Variants in CHRNA5 observed in about 807,000 individuals in gnomAD.
CHRNA5 encodes the protein cholinergic receptor nicotinic alpha 5 subunit.
Under a neutral mutation model 41.2 loss-of-function variants are expected in CHRNA5, and 28 were observed. That is an observed-to-expected ratio of 0.68 (90% CI 0.50 to 0.93). CHRNA5 has a LOEUF of 0.93. Among genes scored for constraint, CHRNA5 ranks in the 40% least tolerant of loss-of-function variants. The probability of loss-of-function intolerance (pLI) is 0.00; values close to 1 mark genes in which losing one functional copy is unlikely to be tolerated. For synonymous variants in CHRNA5, 188 were observed against 205.8 expected (o/e 0.91, Z 0.74); for missense variants, 481 against 581.9 (o/e 0.83, Z 1.78).
intron 1 of CHRNA5, among the ~76,000 whole-genome samples, chr15:78,571,578 C>CTTTTT (rs34248937): frequency 8.6e-6 from 1 of 116,618 alleles, no homozygotes; most frequent in Non-Finnish European, 1.8e-5. Flanking sequence ...GATGCTCTGC[C>CTTTTT]TTTTTTTTTT....
chr15:78,586,759 A>G, intron 3 of CHRNA5, 70 bp downstream of exon 3: 1 of 1,057,826 alleles, frequency 9.5e-7, no homozygotes, highest in Non-Finnish European at 1.4e-6. Context: ...TATGTATTGT[A>G]GCAGAAATAC....
chr15:78,569,286 T>C (rs2052777712), intron 1 of CHRNA5, among the ~76,000 whole-genome samples: 1 of 152,196 alleles, frequency 6.6e-6, no homozygotes, highest in African/African-American at 2.4e-5. Context: ...AATTAGGATA[T>C]GAAGTTTTAG....
chr15:78,574,869 A>G (rs2052843041), intron 1 of CHRNA5, among the ~76,000 whole-genome samples: 1 of 150,886 alleles, frequency 6.6e-6, no homozygotes, highest in African/African-American at 2.4e-5. Context: ...GCTACTCGGG[A>G]GGTTGAGGCA....
At chr15:78,583,148 C>T (rs2052928671) in intron 2 of CHRNA5, among the ~76,000 whole-genome samples, 1 of 152,108 alleles carries the variant, frequency 6.6e-6, no homozygotes, top group African/African-American at 2.4e-5. Context: ...CAGAACCTAG[C>T]ACGGTATCTG....
chr15:78,571,578 CTTTTTTTT>C (rs34248937), intron 1 of CHRNA5, among the ~76,000 whole-genome samples: 4 of 116,618 alleles, frequency 3.4e-5, no homozygotes, highest in African/African-American at 9.4e-5. Context: ...GATGCTCTGC[CTTTTTTTT>C]TTTTTTTTTT....
chr15:78,571,922 C>T (rs1014448603), intron 1 of CHRNA5, among the ~76,000 whole-genome samples: 2 of 152,008 alleles, frequency 1.3e-5, no homozygotes, highest in South Asian at 2.1e-4. Flanking sequence ...AAAATGGTTA[C>T]GTTCACTGCT....
At chr15:78,586,515 C>T in intron 2 of CHRNA5, 130 bp from the exon 3 acceptor site, 1 of 577,034 alleles carries the variant, frequency 1.7e-6, no homozygotes, top group Non-Finnish European at 3.1e-6. Context: ...TTCTAGAGAA[C>T]CAGATTGATG....
Position 78,588,332 on chromosome 15 carries a change from T to C in CHRNA5, c.322T>C (p.Leu108=). 1 of 1,579,722 alleles carries C rather than the reference T, an allele frequency of 6.3e-7. No individual in the cohort carries two copies. Among genetic ancestry groups the C allele is most frequent in the South Asian group, 1.2e-5 (1 of 86,362 alleles). ...TTTAAAGGAATGGATAGATGTAAAATTAAGATGGAACCCTGATGACTATGG... is the reference window on the plus strand; with the variant it reads ...TTTAAAGGAATGGATAGATGTAAAACTAAGATGGAACCCTGATGACTATGG... Residue 108 remains leucine, a synonymous_variant, in exon 4 of 6, where the codon TTA becomes CTA. Coordinates refer to ENST00000299565, the Ensembl canonical transcript of CHRNA5. This position sits in a 1 kb window ranked among gnomAD's most constrained non-coding sequence, Gnocchi z 4.1.
At chr15:78,586,714 C>A in intron 3 of CHRNA5, 25 bp downstream of exon 3, 1 of 1,568,972 alleles carries the variant, frequency 6.4e-7, no homozygotes, top group South Asian at 1.2e-5. Flanking sequence ...TTCAAACGGG[C>A]ACCCAATTAG....
intron 2 of CHRNA5, among the ~76,000 whole-genome samples, chr15:78,585,313 G>A (rs1322014828): frequency 6.6e-6 from 1 of 152,164 alleles, no homozygotes; most frequent in East Asian, 1.9e-4. Context: ...CCCATGCAGG[G>A]ACCTCATGGA....
rs1044560905 is a variant in CHRNA5, at chr15:78,592,789, A to AT, written c.1246-295dup. 6.6e-5 allele frequency among the ~76,000 whole-genome samples: 10 copies of AT among 151,120 alleles called. No homozygotes were observed. In the South Asian group the frequency reaches 8.3e-4, roughly 13 times the overall value. ...AGAATAAGTATATATAGTAAGAATAATTTTTTTTAGTTTATTGTAAAATAT... is the reference window on the plus strand; with the variant it reads ...AGAATAAGTATATATAGTAAGAATAATTTTTTTTTAGTTTATTGTAAAATAT... On this transcript the variant is annotated intron_variant, in intron 5 of 5. Coordinates refer to ENST00000299565, the Ensembl canonical transcript of CHRNA5.
chr15:78,578,967 A>G (rs2052884310), intron 1 of CHRNA5, among the ~76,000 whole-genome samples: 1 of 152,166 alleles, frequency 6.6e-6, no homozygotes, highest in African/African-American at 2.4e-5. Flanking sequence ...GCTCTGTAGT[A>G]GCATAAGCAT....
At chr15:78,565,764 C>G in exon 1 of CHRNA5, 1 of 1,215,334 alleles carries the variant, frequency 8.2e-7, no homozygotes, top group Non-Finnish European at 1.0e-6. Flanking sequence ...GCCTGCTGCT[C>G]TTGGTCCAGC....
chr15:78,591,006 C>T (rs1471720078), intron 5 of CHRNA5: 1 of 193,284 alleles, frequency 5.2e-6, no homozygotes, highest in Non-Finnish European at 1.1e-5. Context: ...ATTTTGTCTT[C>T]AGTAACTTTG....
chr15:78,585,791 C>CTTTTTTTTT (rs752254237), intron 2 of CHRNA5, among the ~76,000 whole-genome samples: 20 of 130,602 alleles, frequency 1.5e-4, no homozygotes, highest in Non-Finnish European at 1.9e-4. Flanking sequence ...TCTTTTCTTT[C>CTTTTTTTTT]TTTTTTTTTT....
In CHRNA5 at chr15:78,590,057, T is replaced by C. The variant is rs962825354; in HGVS notation, c.666T>C (p.Ser222=). The change falls in exon 5 of 6, where the codon AGT becomes AGC. Residue 222 remains serine, a synonymous_variant. Transcript: ENST00000299565. ...ATAATGGAGAATGGGAGATTGTGAG[T>C]GCAACAGGGAGCAAAGGAAACAGAA... 4 of 1,614,058 alleles carry C rather than the reference T, an allele frequency of 2.5e-6. No individual in the cohort carries two copies. In the African/African-American group the frequency reaches 4.0e-5, roughly 16 times the overall value.
rs1429208026 is a variant in CHRNA5 at position 78,588,742 on chromosome 15, G to C, written c.413+319G>C. ...CTAGATTTTTTTGTATGTTTTTTAC[G>C]TCGTTGAGGTCATATTTTATGTTGA... On this transcript the variant is annotated intron_variant, in intron 4 of 5. Transcript: ENST00000299565. The surrounding 1 kb of genome is among the most constrained non-coding windows in gnomAD (Gnocchi z 4.1). Among the ~76,000 whole-genome samples the C allele has an allele frequency of 6.6e-6, 1 of 152,144 alleles. No homozygotes were observed. Among genetic ancestry groups the C allele is most frequent in the South Asian group, 2.1e-4 (1 of 4,830 alleles).
chr15:78,579,715 C>T (rs1466511304), intron 1 of CHRNA5, among the ~76,000 whole-genome samples: 1 of 152,120 alleles, frequency 6.6e-6, no homozygotes, highest in Non-Finnish European at 1.5e-5. Context: ...TTGTTAGATT[C>T]ACCATTGACC....
intron 5 of CHRNA5, among the ~76,000 whole-genome samples, chr15:78,591,610 C>T (rs1040960391): frequency 9.9e-5 from 15 of 152,150 alleles, no homozygotes; most frequent in Admixed American, 9.2e-4. Flanking sequence ...GGCAAAATCA[C>T]AGCCTTTATC....
Sources: gnomAD v4.1 joint callset for allele counts (sites outside exome capture counted in the v4.1 genomes callset) on GRCh38, gnomAD v4.1.1 for gene constraint, Gnocchi (gnomAD v3.1) non-coding constraint, MANE v1.5 for transcripts, NCBI Gene and HGNC (gene_info 2026-07-23, HGNC 2026-07-21) for gene names.